Variants in BCL2L11 observed in about 807,000 individuals in gnomAD.
The protein encoded by BCL2L11 is BCL2 like 11.
A neutral mutation model predicts 20.6 loss-of-function variants in BCL2L11; 15 were observed. That is an observed-to-expected ratio of 0.73 (90% CI 0.49 to 1.12). The LOEUF is 1.12. Ranked by LOEUF, BCL2L11 falls within the 50% of genes most tolerant of loss-of-function variation. The probability of loss-of-function intolerance (pLI) is 0.00; values close to 1 mark genes in which losing one functional copy is unlikely to be tolerated. For missense variants in BCL2L11, 292 were observed against 260.9 expected (o/e 1.12, Z -0.82); for synonymous variants, 108 against 92.8 (o/e 1.16, Z -0.94).
intron 2 of BCL2L11, among the ~76,000 whole-genome samples, chr2:111,148,782 CT>C (rs1414359668): frequency 1.3e-5 from 2 of 152,094 alleles, no homozygotes; most frequent in African/African-American, 4.8e-5. Flanking sequence ...GGCCCTCAGT[CT>C]TTGTGGGATT....
intron 3 of BCL2L11, among the ~76,000 whole-genome samples, chr2:111,156,070 A>G (rs142843245): frequency 1.3e-5 from 2 of 152,338 alleles, no homozygotes; most frequent in African/African-American, 4.8e-5. Context: ...GTTTTTATAA[A>G]TGGTAGTCAC....
intron 2 of BCL2L11, among the ~76,000 whole-genome samples, chr2:111,139,008 C>A (rs1008867615): frequency 6.6e-6 from 1 of 152,148 alleles, no homozygotes; most frequent in Admixed American, 6.5e-5. Flanking sequence ...CTCTCTACTG[C>A]TTTCCGTGGA....
chr2:111,165,916 ATATG>A lies in BCL2L11; in HGVS notation c.*1689_*1692del, dbSNP rs1351064916. On this transcript the variant is annotated 3_prime_UTR_variant, in exon 4 of 4. Coordinates refer to ENST00000393256, the MANE Select transcript of BCL2L11 (RefSeq NM_138621.5). ...TTTATCTTCATAATTTAAAAAATAT[ATATG>A]TATATATTGCATATTCACTTTTTCC... 1 of 152,248 alleles carries A rather than the reference ATATG, an allele frequency of 6.6e-6. No individual in the cohort carries two copies. Among genetic ancestry groups the A allele is most frequent in the Non-Finnish European group, 1.5e-5 (1 of 68,044 alleles). The allele number at this position is 152,248 out of a possible 1,614,324, so 9.4% of individuals were successfully genotyped here.
intron 1 of BCL2L11, among the ~76,000 whole-genome samples, chr2:111,122,244 A>G (rs2071192849): frequency 1.3e-5 from 2 of 152,206 alleles, no homozygotes; most frequent in Non-Finnish European, 2.9e-5. Flanking sequence ...AGTGGCGAGG[A>G]CTGGGCCTGG....
intron 1 of BCL2L11, chr2:111,123,098 A>C (rs2071543596): frequency 1.0e-6 from 1 of 978,438 alleles, no homozygotes; most frequent in Non-Finnish European, 1.2e-6. Flanking sequence ...TGTGCACCTC[A>C]GAGAAGTTCT....
Position 111,167,590 on chromosome 2 carries a change from T to C in BCL2L11, c.*3359T>C, listed in dbSNP as rs549488500. ...TTCCAGAGGTGCTGCATTGCAGTTG[T>C]TCAGGGCTAGGGCCAGGCAGGACAA... On this transcript the variant is annotated 3_prime_UTR_variant, in exon 4 of 4. Transcript: ENST00000393256. 5.9e-5 allele frequency: 9 copies of C among 152,362 alleles called. No homozygotes were observed. The highest frequency in any genetic ancestry group is 2.2e-4 in the African/African-American group (9 of 41,580). 9.4% of individuals were successfully genotyped at this position (152,362 alleles called of 1,614,324 possible).
At chr2:111,144,633 C>T in intron 2 of BCL2L11, 6 of 1,313,548 alleles carry the variant, frequency 4.6e-6, no homozygotes, top group Non-Finnish European at 6.3e-6. Flanking sequence ...AAGAAGGAGA[C>T]TTACAGAGTT....
At chr2:111,122,925 T>G (rs1292024149) in intron 1 of BCL2L11, 1 of 985,062 alleles carries the variant, frequency 1.0e-6, no homozygotes, top group Admixed American at 6.2e-5. Context: ...GGCGCGGACG[T>G]GAGTTTCGGT....
intron 2 of BCL2L11, among the ~76,000 whole-genome samples, chr2:111,124,621 T>C (rs189426108): frequency 1.3e-5 from 2 of 152,316 alleles, no homozygotes; most frequent in East Asian, 3.9e-4. Context: ...TTACTAACTT[T>C]TGTGGCAGTG....
intron 2 of BCL2L11, chr2:111,145,937 T>C (rs1218406822): frequency 3.3e-5 from 31 of 940,194 alleles, no homozygotes; most frequent in Non-Finnish European, 3.9e-5. Flanking sequence ...TTTTTTTTTT[T>C]TTTGTAACAA....
At chr2:111,121,217 G>T in intron 1 of BCL2L11, 29 bp downstream of exon 1, 1 of 214,556 alleles carries the variant, frequency 4.7e-6, no homozygotes. Context: ...CGGGGCGCGG[G>T]CCTGGCACCG....
intron 1 of BCL2L11, among the ~76,000 whole-genome samples, chr2:111,121,638 G>A (rs2070959966): frequency 6.6e-6 from 1 of 152,214 alleles, no homozygotes; most frequent in Admixed American, 6.5e-5. Context: ...TGGTTTTTTG[G>A]GGCGCGTGGG....
intron 3 of BCL2L11, among the ~76,000 whole-genome samples, chr2:111,150,470 T>G (rs1480958061): frequency 6.6e-6 from 1 of 152,248 alleles, no homozygotes; most frequent in African/African-American, 2.4e-5. Flanking sequence ...ATCCATGTAG[T>G]GTGTTTCTGT....
intron 2 of BCL2L11, among the ~76,000 whole-genome samples, chr2:111,126,445 G>A (rs532507391): frequency 3.3e-5 from 5 of 152,116 alleles, no homozygotes; most frequent in Non-Finnish European, 4.4e-5. Context: ...TAAATGAGAA[G>A]TTACGAGGAG....
At chr2:111,146,364 A>C in intron 2 of BCL2L11, 1 of 529,098 alleles carries the variant, frequency 1.9e-6, no homozygotes, top group Middle Eastern at 9.3e-4. Flanking sequence ...TACTTTTCTT[A>C]TAAACTAGAA....
At chr2:111,142,013 A>T (rs1042151008) in intron 2 of BCL2L11, among the ~76,000 whole-genome samples, 1 of 152,146 alleles carries the variant, frequency 6.6e-6, no homozygotes, top group African/African-American at 2.4e-5. Context: ...AACAATCCCA[A>T]TTCTATCTGT....
chr2:111,144,496 G>C (rs2076248680), intron 2 of BCL2L11: 1 of 1,550,582 alleles, frequency 6.4e-7, no homozygotes, highest in Admixed American at 2.0e-5. Context: ...AGCTAACTGG[G>C]ACTAGAAACA....
intron 1 of BCL2L11, chr2:111,123,471 G>A: frequency 1.0e-6 from 1 of 985,458 alleles, no homozygotes; most frequent in Non-Finnish European, 1.2e-6. Context: ...TGCTTCTCTG[G>A]AAACGCATGT....
chr2:111,138,012 C>CTT (rs66601807), intron 2 of BCL2L11, among the ~76,000 whole-genome samples: 3,730 of 127,086 alleles, frequency 0.029, 214 homozygotes, highest in African/African-American at 0.1. Context: ...TTCTTTCTTT[C>CTT]TTTTTTTTTT....
Sources: allele counts gnomAD v4.1 joint callset (sites outside exome capture counted in the v4.1 genomes callset), GRCh38; gene constraint gnomAD v4.1.1; transcripts MANE v1.5; gene names NCBI Gene and HGNC (gene_info 2026-07-23, HGNC 2026-07-21).